The following MFHAS1 variants were observed in gnomAD, a reference collection of about 807,000 sequenced individuals.
The protein encoded by MFHAS1 is multifunctional ROCO family signaling regulator 1.
MFHAS1 carries 50 observed loss-of-function variants against 70.4 expected under a neutral mutation model. The observed-to-expected ratio is 0.71, with a 90% CI of 0.57 to 0.90. The LOEUF is 0.90. Among genes scored for constraint, MFHAS1 ranks in the 40% least tolerant of loss-of-function variants. MFHAS1 has a pLI of 0.00. For synonymous variants in MFHAS1, 952 were observed against 620.0 expected (o/e 1.54, Z -7.96); for missense variants, 1,795 against 1,347.6 (o/e 1.33, Z -5.20).
chr8:8,852,470 AAC>A (rs752733842), intron 1 of MFHAS1, among the ~76,000 whole-genome samples: 5,224 of 127,344 alleles, frequency 0.041, 271 homozygotes, highest in African/African-American at 0.13. Flanking sequence ...CCCTCTCTCA[AAC>A]ACACACACAC....
At chr8:8,833,070 G>C (rs891002462) in intron 1 of MFHAS1, among the ~76,000 whole-genome samples, 1 of 152,104 alleles carries the variant, frequency 6.6e-6, no homozygotes, top group Non-Finnish European at 1.5e-5. Flanking sequence ...TACATGGCAG[G>C]AGCAGGAGGA....
At chr8:8,790,170 T>C (rs1805675837) in intron 2 of MFHAS1, among the ~76,000 whole-genome samples, 2 of 152,192 alleles carry the variant, frequency 1.3e-5, no homozygotes, top group Non-Finnish European at 2.9e-5. Flanking sequence ...AATTCCCATA[T>C]GCAACTTGAT....
intron 1 of MFHAS1, among the ~76,000 whole-genome samples, chr8:8,803,658 G>T (rs905841938): frequency 1.3e-5 from 2 of 151,758 alleles, no homozygotes; most frequent in Admixed American, 1.3e-4. Flanking sequence ...GTTATTATAG[G>T]TAACCTAGAG....
chr8:8,851,176 G>A (rs892250973), intron 1 of MFHAS1, among the ~76,000 whole-genome samples: 5 of 152,218 alleles, frequency 3.3e-5, no homozygotes, highest in Non-Finnish European at 5.9e-5. Context: ...TTTTCAGGAT[G>A]CTGAATGTTA....
At chr8:8,791,567 A>T (rs2117246745) in intron 2 of MFHAS1, among the ~76,000 whole-genome samples, 1 of 152,326 alleles carries the variant, frequency 6.6e-6, no homozygotes. Flanking sequence ...CGCAACCAGC[A>T]AGCTGCCATT....
chr8:8,853,488 A>C lies in MFHAS1; in HGVS notation c.2998+36573T>G, dbSNP rs1386129887. 5.3e-5 allele frequency among the ~76,000 whole-genome samples: 8 copies of C among 150,210 alleles called. No homozygotes were observed. In the East Asian group the frequency reaches 1.2e-3, roughly 22 times the overall value. ...TCTTAAAAAAAAAAAAAAAAAAAAA[A>C]AACCACACACAACTTAGATTGCTAG... On this transcript the variant is annotated intron_variant, in intron 1 of 2. Coordinates refer to ENST00000276282, the MANE Select transcript of MFHAS1 (RefSeq NM_004225.3).
At chr8:8,802,228 G>A (rs115038597) in intron 1 of MFHAS1, among the ~76,000 whole-genome samples, 21 of 152,280 alleles carry the variant, frequency 1.4e-4, no homozygotes, top group African/African-American at 5.1e-4. Context: ...GCAAGAGGTA[G>A]TTTGCCAATG....
intron 1 of MFHAS1, among the ~76,000 whole-genome samples, chr8:8,880,770 C>T (rs542846733): frequency 8.6e-5 from 13 of 151,862 alleles, no homozygotes; most frequent in African/African-American, 2.9e-4. Flanking sequence ...CTGCAACCTC[C>T]GCCTCTTGGG....
chr8:8,829,702 C>T (rs766787251), intron 1 of MFHAS1, among the ~76,000 whole-genome samples: 1 of 152,108 alleles, frequency 6.6e-6, no homozygotes. Context: ...CAAAAGATTG[C>T]GAGATCTTTG....
At position 8,893,050 on chromosome 8, in the gene MFHAS1, C is replaced by T. The variant is rs772196002; in HGVS notation, c.9G>A (p.Gly3=). The T allele has an allele frequency of 7.3e-6, 11 of 1,503,784 alleles. No homozygotes were observed. The South Asian group carries it at 9.9e-5, about 14-fold the overall frequency. 93.2% of individuals were successfully genotyped at this position (1,503,784 alleles called of 1,614,324 possible). MA[G]MDSGNLKTAR... is the part of the protein sequence containing the mutation. Reference sequence around the variant, plus strand: ...CGGTCTTCAGGTTGCCACTGTCCATCCCAGCCATGGCGGGGCCCCGGGCCG... The same window carrying T: ...CGGTCTTCAGGTTGCCACTGTCCATTCCAGCCATGGCGGGGCCCCGGGCCG... Residue 3 remains glycine, a synonymous_variant, in exon 1 of 3, where the codon GGG becomes GGA. Transcript: ENST00000276282.
intron 1 of MFHAS1, among the ~76,000 whole-genome samples, chr8:8,806,930 C>T (rs962710060): frequency 6.6e-5 from 10 of 151,896 alleles, no homozygotes; most frequent in Admixed American, 6.6e-4. Context: ...CACTGCACTA[C>T]AGCCCTGGGG....
chr8:8,886,159 T>C (rs774492819), intron 1 of MFHAS1, among the ~76,000 whole-genome samples: 14 of 152,158 alleles, frequency 9.2e-5, no homozygotes, highest in African/African-American at 1.2e-4. Flanking sequence ...AAACTAGTGA[T>C]TGCTGGATGT....
chr8:8,870,015 G>C (rs1262398441), intron 1 of MFHAS1, among the ~76,000 whole-genome samples: 4 of 152,028 alleles, frequency 2.6e-5, no homozygotes, highest in Non-Finnish European at 5.9e-5. Flanking sequence ...TGACAAAATG[G>C]AAATTTGACA....
chr8:8,818,912 T>C (rs969873303), intron 1 of MFHAS1, among the ~76,000 whole-genome samples: 2 of 152,252 alleles, frequency 1.3e-5, no homozygotes, highest in Admixed American at 6.5e-5. Flanking sequence ...AAGTGTATTA[T>C]TTGTAGCCCC....
At position 8,881,176 on chromosome 8, in the gene MFHAS1, T is replaced by C. The variant is rs1809509145; in HGVS notation, c.2998+8885A>G. 2.6e-5 allele frequency among the ~76,000 whole-genome samples: 4 copies of C among 152,180 alleles called. No individual in the cohort carries two copies. The South Asian group carries it at 8.3e-4, about 32-fold the overall frequency. On this transcript the variant is annotated intron_variant, in intron 1 of 2. Transcript: ENST00000276282. ...TTGTTGGTGATAGCTTTTCATTAAA[T>C]TTACTCTTTTAATAAACAAAGCCCC...
intron 1 of MFHAS1, among the ~76,000 whole-genome samples, chr8:8,840,794 T>C (rs1807792675): frequency 6.6e-6 from 1 of 152,176 alleles, no homozygotes; most frequent in Non-Finnish European, 1.5e-5. Flanking sequence ...CCTAACCTAG[T>C]GATTTGCCTT....
At chr8:8,857,530 A>C (rs935593569) in intron 1 of MFHAS1, among the ~76,000 whole-genome samples, 1 of 152,110 alleles carries the variant, frequency 6.6e-6, no homozygotes, top group African/African-American at 2.4e-5. Context: ...AGTCCCAGGC[A>C]GGTGGATCAC....
At chr8:8,867,069 C>T (rs959972164) in intron 1 of MFHAS1, among the ~76,000 whole-genome samples, 1 of 152,066 alleles carries the variant, frequency 6.6e-6, no homozygotes, top group African/African-American at 2.4e-5. Flanking sequence ...TACAGTTCAG[C>T]TACACATAAT....
chr8:8,850,531 A>T (rs1160370039), intron 1 of MFHAS1, among the ~76,000 whole-genome samples: 1 of 152,184 alleles, frequency 6.6e-6, no homozygotes, highest in Non-Finnish European at 1.5e-5. Context: ...CACAGAGTTT[A>T]TTAGTAAATA....
Sources: allele counts gnomAD v4.1 joint callset (sites outside exome capture counted in the v4.1 genomes callset), GRCh38; gene constraint gnomAD v4.1.1; transcripts MANE v1.5; gene names NCBI Gene and HGNC (gene_info 2026-07-23, HGNC 2026-07-21).